ADHFE1: variants seen among roughly 807,000 people sequenced by gnomAD.
ADHFE1 encodes alcohol dehydrogenase iron containing 1, also known as hydroxyacid-oxoacid transhydrogenase, mitochondrial.
In ADHFE1, 37 loss-of-function variants were observed where a neutral mutation model predicts 54.8. The observed-to-expected ratio is 0.68, with a 90% CI of 0.52 to 0.89. ADHFE1 has a LOEUF of 0.89. Ranked by LOEUF, ADHFE1 falls within the 40% of genes least tolerant of loss-of-function variation. ADHFE1 has a pLI of 0.00. For synonymous variants in ADHFE1, 203 were observed against 229.3 expected, an observed-to-expected ratio of 0.89 and a Z score of 1.04; for missense variants, 601 against 591.2, an observed-to-expected ratio of 1.02 and a Z score of -0.17.
In ADHFE1 at chr8:66,447,261, A is replaced by T. The variant is rs752478536; in HGVS notation, c.551-3A>T. On this transcript the variant is annotated splice_polypyrimidine_tract_variant and splice_region_variant and intron_variant, in intron 6 of 13. Coordinates refer to ENST00000396623, the MANE Select transcript of ADHFE1 (RefSeq NM_144650.3). ...TATTAAAATTAATATTATTTTGTTCAAGTGCCAACTACCTCAGGAACCGGG... is the reference window on the plus strand; with the variant it reads ...TATTAAAATTAATATTATTTTGTTCTAGTGCCAACTACCTCAGGAACCGGG... 1.2e-6 allele frequency: 2 copies of T among 1,611,986 alleles called. No homozygotes were observed. The highest frequency in any genetic ancestry group is 1.7e-6 in the Non-Finnish European group (2 of 1,178,626).
intron 3 of ADHFE1, among the ~76,000 whole-genome samples, chr8:66,443,865 A>T (rs990578247): frequency 1.3e-5 from 2 of 152,224 alleles, no homozygotes; most frequent in Admixed American, 1.3e-4. Flanking sequence ...GATCAAATAA[A>T]ATATATTTCA....
intron 3 of ADHFE1, among the ~76,000 whole-genome samples, chr8:66,443,166 CAAAGT>C (rs1805845405): frequency 6.7e-6 from 1 of 149,304 alleles, no homozygotes; most frequent in Admixed American, 6.7e-5. Flanking sequence ...CAAAAGAGGT[CAAAGT>C]AAAGTAACAA....
chr8:66,456,910 ATAAAT>A lies in ADHFE1; in HGVS notation c.1065+18_1065+22del. On this transcript the variant is annotated intron_variant, in intron 11 of 13. Coordinates refer to ENST00000396623, the MANE Select transcript of ADHFE1 (RefSeq NM_144650.3). ...ACCCACTGGTGGTAAAATCATAAGA[ATAAAT>A]TATTTAATTAAATATTATAATCATC... 6.7e-7 allele frequency: 1 copy of A among 1,486,732 alleles called. No individual in the cohort carries two copies. Among genetic ancestry groups the A allele is most frequent in the South Asian group, 1.4e-5 (1 of 70,760 alleles). 92.1% of individuals were successfully genotyped at this position (1,486,732 alleles called of 1,614,324 possible).
At position 66,432,556 on chromosome 8, in the gene ADHFE1, A is replaced by G. The variant is rs1805250833; in HGVS notation, c.40A>G (p.Arg14Gly). ...AARARVAYLL[R>G]QLQRAACQCP... ...CCGAGCCCGGGTCGCGTACTTGCTG[A>G]GGCAACTGCAACGCGCAGCGTGAGT... Residue 14 changes from arginine to glycine, a missense_variant, in exon 1 of 14, where the codon AGG (arginine) becomes GGG (glycine). Arg to Gly is a moderately radical substitution (Grantham distance 125, BLOSUM62 -2). Coordinates refer to ENST00000396623, the MANE Select transcript of ADHFE1 (RefSeq NM_144650.3). 91 of 1,352,052 alleles carry G rather than the reference A, an allele frequency of 6.7e-5. No homozygotes were observed. Among genetic ancestry groups the G allele is most frequent in the Non-Finnish European group, 8.6e-5 (90 of 1,042,544 alleles). The allele number at this position is 1,352,052 out of a possible 1,614,324, so 83.8% of individuals were successfully genotyped here.
chr8:66,468,208 T>C, intron 13 of ADHFE1, 61 bp from the exon 14 acceptor site: 1 of 1,297,108 alleles, frequency 7.7e-7, no homozygotes, highest in Non-Finnish European at 1.1e-6. Flanking sequence ...TCCATAACTT[T>C]GTAGCTTTTA....
intron 10 of ADHFE1, among the ~76,000 whole-genome samples, chr8:66,455,689 C>G (rs968519564): frequency 6.6e-6 from 1 of 152,220 alleles, no homozygotes; most frequent in African/African-American, 2.4e-5. Context: ...CCGAGTTGGA[C>G]GGATCCCTTG....
At chr8:66,453,098 A>T (rs1264714136) in intron 9 of ADHFE1, among the ~76,000 whole-genome samples, 1 of 152,220 alleles carries the variant, frequency 6.6e-6, no homozygotes, top group Non-Finnish European at 1.5e-5. Context: ...CTAGATCCAA[A>T]CAGACACGCA....
intron 1 of ADHFE1, among the ~76,000 whole-genome samples, chr8:66,433,992 T>G (rs1805336129): frequency 6.6e-6 from 1 of 152,224 alleles, no homozygotes; most frequent in Non-Finnish European, 1.5e-5. Context: ...GAGTATGGCA[T>G]AATCAGAACT....
chr8:66,459,153 A>G (rs1806750326), intron 12 of ADHFE1, among the ~76,000 whole-genome samples: 1 of 152,168 alleles, frequency 6.6e-6, no homozygotes, highest in Non-Finnish European at 1.5e-5. Context: ...TGAACAATAC[A>G]AGAGAAAGTG....
intron 1 of ADHFE1, among the ~76,000 whole-genome samples, chr8:66,434,746 G>A (rs1391686049): frequency 6.6e-6 from 1 of 152,246 alleles, no homozygotes; most frequent in African/African-American, 2.4e-5. Context: ...AGCACTGAAG[G>A]AGACAGAGGC....
At chr8:66,445,503 A>T in intron 6 of ADHFE1, 89 bp downstream of exon 6, 10 of 1,274,956 alleles carry the variant, frequency 7.8e-6, no homozygotes, top group Non-Finnish European at 1.1e-5. Flanking sequence ...TAACATACAC[A>T]TTTCGAAAGC....
rs1060242 is a variant in ADHFE1 at position 66,468,293 on chromosome 8, T to C, written c.1345T>C (p.Cys449Arg). 811,025 of 1,611,180 alleles carry C rather than the reference T, an allele frequency of 0.5. 208,794 individuals carry two copies. Among genetic ancestry groups the C allele is most frequent in the African/African-American group, 0.73 (54,367 of 74,786 alleles). Residue 449 changes from cysteine (C) to arginine (R), a missense_variant, in exon 14 of 14, where the codon TGT becomes CGT. Physicochemically the swap from Cys to Arg is radical, Grantham distance 180. Coordinates refer to ENST00000396623, the MANE Select transcript of ADHFE1 (RefSeq NM_144650.3). ...PQERVTKLAP[C>R]PQSEEDLAAL... ...GGAAAGGGTCACCAAGCTTGCACCC[T>C]GTCCCCAGTCAGAAGAGGATCTGGC...
At chr8:66,444,276 T>G (rs1469045418) in intron 3 of ADHFE1, 91 bp from the exon 4 acceptor site, 1 of 1,211,418 alleles carries the variant, frequency 8.3e-7, no homozygotes, top group East Asian at 2.3e-5. Context: ...TACTTTATGC[T>G]CTAGGCAACA....
At chr8:66,456,984 T>TA (rs1406147700) in intron 11 of ADHFE1, 86 bp from the exon 12 acceptor site, 1 of 1,501,270 alleles carries the variant, frequency 6.7e-7, no homozygotes, top group Admixed American at 2.0e-5. Flanking sequence ...CTGCTTAGAG[T>TA]ATGGGGTAAA....
In ADHFE1 at chr8:66,445,121, A is replaced by T. The variant is rs993314044; in HGVS notation, c.354-97A>T. ...GTCTCAAAAAAAAAACAAAAACAAA[A>T]AAAACCCCACAAAACTTACCCCAAG... On this transcript the variant is annotated intron_variant, in intron 5 of 13. Coordinates refer to ENST00000396623, the MANE Select transcript of ADHFE1 (RefSeq NM_144650.3). The T allele has an allele frequency of 9.6e-6, 12 of 1,254,688 alleles. No homozygotes were observed. In the Admixed American group the frequency reaches 3.5e-4, roughly 36 times the overall value. The allele number at this position is 1,254,688 out of a possible 1,614,324, so 77.7% of individuals were successfully genotyped here. A position where few individuals can be genotyped will look rare whatever the true frequency, so the allele number is the denominator to read the frequency against.
intron 1 of ADHFE1, among the ~76,000 whole-genome samples, chr8:66,437,836 GTC>G (rs1805545351): frequency 6.6e-6 from 1 of 152,166 alleles, no homozygotes; most frequent in African/African-American, 2.4e-5. Context: ...CAGAAAGGGT[GTC>G]TCTCTGCAGC....
Position 66,440,145 on chromosome 8 carries a change from G to A in ADHFE1, c.60-17G>A. Reference sequence around the variant, plus strand: ...TTCACCTTAGGTTTTTTTTGCTGTCGTTTTTATTTTCCCTAGGTGCCAGTG... The same window carrying A: ...TTCACCTTAGGTTTTTTTTGCTGTCATTTTTATTTTCCCTAGGTGCCAGTG... On this transcript the variant is annotated splice_polypyrimidine_tract_variant and intron_variant, in intron 1 of 13. Coordinates refer to ENST00000396623, the MANE Select transcript of ADHFE1 (RefSeq NM_144650.3). The A allele has an allele frequency of 1.9e-6, 3 of 1,607,540 alleles. No homozygotes were observed. Among genetic ancestry groups the A allele is most frequent in the Admixed American group, 1.7e-5 (1 of 58,462 alleles).
Position 66,463,349 on chromosome 8 carries a change from A to G in ADHFE1, c.1320+2884A>G, listed in dbSNP as rs985623616. Among the ~76,000 whole-genome samples, 4 of 152,320 alleles carry G rather than the reference A, an allele frequency of 2.6e-5. No homozygotes were observed. In the South Asian group the frequency reaches 6.2e-4, roughly 24 times the overall value. On this transcript the variant is annotated intron_variant, in intron 13 of 13. Transcript: ENST00000396623. ...GGGAGGTAAATGGAATCTTTTGGAT[A>G]TAAGTTCTGTCTTAAAGTAGGAAGC... is the stretch of plus-strand genomic sequence containing the variant.
rs1198839054 is a variant in ADHFE1 at position 66,453,984 on chromosome 8, C to T, written c.888-75C>T. 1.7e-5 allele frequency: 27 copies of T among 1,560,668 alleles called. No individual in the cohort carries two copies. The East Asian group carries it at 4.6e-4, about 27-fold the overall frequency. On this transcript the variant is annotated intron_variant, in intron 9 of 13. Transcript: ENST00000396623. ...TTTCTTTTTTTTTCACCATATCTTTCCCTAAGGCAGCTCCTTATTCTGTAG... is the reference window on the plus strand; with the variant it reads ...TTTCTTTTTTTTTCACCATATCTTTTCCTAAGGCAGCTCCTTATTCTGTAG...
Sources: gnomAD v4.1 joint callset for allele counts (sites outside exome capture counted in the v4.1 genomes callset) on GRCh38, gnomAD v4.1.1 for gene constraint, MANE v1.5 for transcripts, NCBI Gene and HGNC (gene_info 2026-07-23, HGNC 2026-07-21) for gene names.